The following CADPS2 variants were observed in gnomAD, a reference collection of about 807,000 sequenced individuals.
CADPS2 encodes the protein calcium-dependent secretion activator 2.
A neutral mutation model predicts 172.5 loss-of-function variants in CADPS2; 93 were observed. The observed-to-expected ratio is 0.54, with a 90% CI of 0.46 to 0.64. CADPS2 has a LOEUF of 0.64. Ranked by LOEUF, CADPS2 falls within the 30% of genes least tolerant of loss-of-function variation. The pLI is 0.00. For synonymous variants in CADPS2, 546 were observed against 555.2 expected, an observed-to-expected ratio of 0.98 and a Z score of 0.23; for missense variants, 1,420 against 1,565.9, an observed-to-expected ratio of 0.91 and a Z score of 1.57.
intron 8 of CADPS2, among the ~76,000 whole-genome samples, chr7:122,542,614 A>G (rs1233226785): frequency 6.6e-6 from 1 of 152,180 alleles, no homozygotes; most frequent in African/African-American, 2.4e-5. Context: ...TATTCTTTGC[A>G]GTATTTTCAA....
At chr7:122,792,759 G>A (rs1205363451) in intron 1 of CADPS2, among the ~76,000 whole-genome samples, 1 of 152,130 alleles carries the variant, frequency 6.6e-6, no homozygotes, top group Non-Finnish European at 1.5e-5. Flanking sequence ...CATGAATACA[G>A]TGAACAAAGA....
chr7:122,694,988 G>A (rs1564085447), intron 2 of CADPS2, among the ~76,000 whole-genome samples: 2 of 152,142 alleles, frequency 1.3e-5, no homozygotes. Context: ...TGTGGTGAAG[G>A]GGTTTAAATC....
intron 6 of CADPS2, among the ~76,000 whole-genome samples, chr7:122,590,189 A>G (rs1376682124): frequency 1.3e-5 from 2 of 151,874 alleles, no homozygotes; most frequent in Non-Finnish European, 2.9e-5. Flanking sequence ...AAAAAAACAA[A>G]GTGGAATGCA....
chr7:122,853,460 G>A (rs1814272718), intron 1 of CADPS2, among the ~76,000 whole-genome samples: 1 of 152,124 alleles, frequency 6.6e-6, no homozygotes, highest in Non-Finnish European at 1.5e-5. Flanking sequence ...TCCTCCCTTT[G>A]TTGCTTTAGC....
At chr7:122,321,436 G>A (rs751723856) in intron 29 of CADPS2, among the ~76,000 whole-genome samples, 7 of 152,166 alleles carry the variant, frequency 4.6e-5, no homozygotes, top group Non-Finnish European at 7.3e-5. Context: ...CCAAAGTGCC[G>A]GGACTACAGG....
In CADPS2 at chr7:122,388,635, C is replaced by G. The variant is rs370021822; in HGVS notation, c.3112G>C (p.Glu1038Gln). ...WPEQEFAHHLEQRLKLMASDM... is the reference protein window; with the variant it reads ...WPEQEFAHHLQQRLKLMASDM... ...CTGGCCATTAGTTTAAGTCTTTGCT[C>G]TAAGTGGTGGGCAAATTCCTGTTCT... is the stretch of plus-strand genomic sequence containing the variant. Residue 1038 changes from glutamate (E) to glutamine (Q), a missense_variant, in exon 23 of 30, where the codon GAG becomes CAG. Coordinates refer to ENST00000449022, the MANE Select transcript of CADPS2 (RefSeq NM_017954.11). The G allele has an allele frequency of 5.8e-5, 93 of 1,610,224 alleles. No individual in the cohort carries two copies. The highest frequency in any genetic ancestry group is 4.9e-4 in the Middle Eastern group (3 of 6,064).
At chr7:122,660,983 T>C (rs758627477) in intron 3 of CADPS2, among the ~76,000 whole-genome samples, 1 of 152,134 alleles carries the variant, frequency 6.6e-6, no homozygotes, top group African/African-American at 2.4e-5. Flanking sequence ...TAAAGACTTA[T>C]GTTAAAAGTA....
intron 7 of CADPS2, among the ~76,000 whole-genome samples, chr7:122,568,982 G>A (rs956136153): frequency 6.6e-6 from 1 of 152,128 alleles, no homozygotes; most frequent in Non-Finnish European, 1.5e-5. Flanking sequence ...AGACAGGGAT[G>A]CCCTCTCTCA....
At chr7:122,329,100 C>T (rs1395542826) in intron 28 of CADPS2, among the ~76,000 whole-genome samples, 1 of 152,152 alleles carries the variant, frequency 6.6e-6, no homozygotes, top group Non-Finnish European at 1.5e-5. Context: ...CAGGAGTTGC[C>T]ACTGACTATG....
intron 5 of CADPS2, among the ~76,000 whole-genome samples, chr7:122,621,075 T>A (rs1207073920): frequency 2.0e-5 from 3 of 151,860 alleles, no homozygotes; most frequent in African/African-American, 7.3e-5. Context: ...CTGGATAATT[T>A]TTTTTTTTTA....
At chr7:122,860,167 G>A (rs1816550052) in intron 1 of CADPS2, among the ~76,000 whole-genome samples, 2 of 151,902 alleles carry the variant, frequency 1.3e-5, no homozygotes, top group South Asian at 4.2e-4. Flanking sequence ...CAAAAAATAA[G>A]AGACTAGCCA....
chr7:122,593,955 C>T (rs2071323067), intron 6 of CADPS2, among the ~76,000 whole-genome samples: 2 of 151,944 alleles, frequency 1.3e-5, no homozygotes, highest in South Asian at 4.1e-4. Flanking sequence ...CATCTTTTAA[C>T]CTTCCTTTAA....
intron 2 of CADPS2, among the ~76,000 whole-genome samples, chr7:122,717,866 G>A (rs2089840352): frequency 6.6e-6 from 1 of 151,834 alleles, no homozygotes; most frequent in African/African-American, 2.4e-5. Flanking sequence ...CTGGAGTACA[G>A]TGACACAATC....
At chr7:122,432,979 A>G (rs1255009676) in intron 17 of CADPS2, among the ~76,000 whole-genome samples, 1 of 151,898 alleles carries the variant, frequency 6.6e-6, no homozygotes, top group Non-Finnish European at 1.5e-5. Context: ...TAATATATAT[A>G]ATATATTTTT....
chr7:122,705,909 T>TAA lies in CADPS2; in HGVS notation c.453+31045_453+31046insTT, dbSNP rs1197288499. On this transcript the variant is annotated intron_variant, in intron 2 of 29. Transcript: ENST00000449022. ...AATAAATATAATATAATATATAATA[T>TAA]ATTATATAATATAATATATAATATA... Among the ~76,000 whole-genome samples, 2 of 5,734 alleles carry TAA rather than the reference T, an allele frequency of 3.5e-4. 1 individual carries two copies. The highest frequency in any genetic ancestry group is 9.0e-4 in the African/African-American group (2 of 2,216). The allele number at this position is 5,734 out of a possible 152,430, so 3.8% of individuals were successfully genotyped here.
At chr7:122,718,747 G>A (rs955615627) in intron 2 of CADPS2, among the ~76,000 whole-genome samples, 3 of 152,066 alleles carry the variant, frequency 2.0e-5, no homozygotes, top group African/African-American at 7.2e-5. Flanking sequence ...CTGAAGCGCT[G>A]ACCACTGACT....
chr7:122,738,246 T>A (rs1429642442), intron 1 of CADPS2, among the ~76,000 whole-genome samples: 1 of 152,084 alleles, frequency 6.6e-6, no homozygotes, highest in African/African-American at 2.4e-5. Context: ...ATAAGGAGCT[T>A]CTTAGTAAAA....
intron 29 of CADPS2, among the ~76,000 whole-genome samples, chr7:122,324,045 T>C (rs554090426): frequency 6.6e-6 from 1 of 151,944 alleles, no homozygotes; most frequent in South Asian, 2.1e-4. Flanking sequence ...TATCATATTG[T>C]CCTTTCAGTT....
intron 24 of CADPS2, among the ~76,000 whole-genome samples, chr7:122,381,467 T>C (rs7790356): frequency 0.038 from 5,831 of 152,188 alleles, 189 homozygotes; most frequent in African/African-American, 0.088. Context: ...TCTGTTTTCA[T>C]AACTTCCATT....
Sources: allele counts gnomAD v4.1 joint callset (sites outside exome capture counted in the v4.1 genomes callset), GRCh38; gene constraint gnomAD v4.1.1; transcripts MANE v1.5; gene names NCBI Gene and HGNC (gene_info 2026-07-23, HGNC 2026-07-21).